The following PCDHGA7 variants were observed in gnomAD, a reference collection of about 807,000 sequenced individuals.
PCDHGA7 encodes protocadherin gamma-A7.
A neutral mutation model predicts 58.3 loss-of-function variants in PCDHGA7; 44 were observed. The observed-to-expected ratio is 0.75, with a 90% CI of 0.59 to 0.97. PCDHGA7 has a LOEUF of 0.97. Ranked by LOEUF, PCDHGA7 falls within the 50% of genes least tolerant of loss-of-function variation. PCDHGA7 has a pLI of 0.00. For synonymous variants in PCDHGA7, 516 were observed against 504.2 expected (o/e 1.02, Z -0.31); for missense variants, 1,266 against 1,188.7 (o/e 1.06, Z -0.96).
At chr5:141,424,784 C>T (rs1351935601) in intron 1 of PCDHGA7, 2 of 152,062 alleles carry the variant, frequency 1.3e-5, no homozygotes, top group Non-Finnish European at 2.9e-5. Context: ...ACATTCAGTT[C>T]TTTTATTCAG....
intron 1 of PCDHGA7, chr5:141,424,513 T>C (rs1339689551): frequency 6.6e-6 from 1 of 152,224 alleles, no homozygotes; most frequent in Non-Finnish European, 1.5e-5. Context: ...GGTTTTTTAA[T>C]GTAGTAAATC....
rs1562144438 is a variant in PCDHGA7, at chr5:141,491,135, G to A, written c.2425-3672G>A. On this transcript the variant is annotated intron_variant, in intron 1 of 3. Transcript: ENST00000518325. The surrounding 1 kb of genome is among the most constrained non-coding windows in gnomAD (Gnocchi z 6.9). Reference sequence around the variant, plus strand: ...CACACTGGTGAGGTGCGCACAGCCCGGGCCTTACTGGAGGATGACTCTGAC... The same window carrying A: ...CACACTGGTGAGGTGCGCACAGCCCAGGCCTTACTGGAGGATGACTCTGAC... 4 of 1,614,104 alleles carry A rather than the reference G, an allele frequency of 2.5e-6. No homozygotes were observed. The highest frequency in any genetic ancestry group is 1.3e-5 in the African/African-American group (1 of 75,034).
At chr5:141,404,080 C>T (rs369802030) in intron 1 of PCDHGA7, 6 of 1,613,516 alleles carry the variant, frequency 3.7e-6, no homozygotes, top group Non-Finnish European at 4.2e-6. Context: ...ACCGAGACTC[C>T]GGGAAGAATG....
intron 1 of PCDHGA7, chr5:141,389,762 A>C (rs778570717): frequency 1.2e-6 from 2 of 1,612,968 alleles, no homozygotes; most frequent in Non-Finnish European, 1.7e-6. Flanking sequence ...AAGTGCGCAC[A>C]GCGCGTGCCT....
chr5:141,409,483 G>A, intron 1 of PCDHGA7: 1 of 1,613,944 alleles, frequency 6.2e-7, no homozygotes, highest in Non-Finnish European at 8.5e-7. Context: ...CCACTGACAG[G>A]GGCAAGCCGC....
Position 141,474,743 on chromosome 5 carries a change from T to A in PCDHGA7, c.2425-20064T>A, listed in dbSNP as rs113053006. Among the ~76,000 whole-genome samples the A allele has an allele frequency of 4.0e-3, 610 of 152,354 alleles. 8 individuals carry two copies. The highest frequency in any genetic ancestry group is 0.014 in the African/African-American group (593 of 41,580). On this transcript the variant is annotated intron_variant, in intron 1 of 3. Transcript: ENST00000518325. ...AGGACTCTATGCAATCAAAGTGATG[T>A]CCAAGACAAATATACAGAAATAGTA...
At chr5:141,389,122 A>G (rs2091613113) in intron 1 of PCDHGA7, 1 of 1,613,914 alleles carries the variant, frequency 6.2e-7, no homozygotes, top group Admixed American at 1.7e-5. Context: ...CGCGAGCAGA[A>G]TCCAGAGTAC....
At chr5:141,433,308 C>A in intron 1 of PCDHGA7, 2 of 915,352 alleles carry the variant, frequency 2.2e-6, no homozygotes, top group Non-Finnish European at 1.6e-6. Context: ...ATTATCCCAC[C>A]TTTGCCTCCG....
At position 141,476,761 on chromosome 5, in the gene PCDHGA7, G is replaced by C. The variant is rs1293828206; in HGVS notation, c.2425-18046G>C. ...AGCCTAGTCTCCAGTTAGTGCTGAC[G>C]GCGTTGGACGGAGGGACCCCAGCTC... On this transcript the variant is annotated intron_variant, in intron 1 of 3. Transcript: ENST00000518325. This position sits in a 1 kb window ranked among gnomAD's most constrained non-coding sequence, Gnocchi z 7.6. 6.2e-7 allele frequency: 1 copy of C among 1,613,734 alleles called. No individual in the cohort carries two copies. Among genetic ancestry groups the C allele is most frequent in the East Asian group, 2.2e-5 (1 of 44,884 alleles).
chr5:141,417,893 G>T (rs766340497), intron 1 of PCDHGA7: 2 of 1,572,670 alleles, frequency 1.3e-6, no homozygotes, highest in Admixed American at 1.9e-5. Flanking sequence ...GCGCCGGGCC[G>T]GCCCGCGGCA....
At chr5:141,408,301 C>G in intron 1 of PCDHGA7, 1 of 1,613,756 alleles carries the variant, frequency 6.2e-7, no homozygotes, top group Non-Finnish European at 8.5e-7. Context: ...GTGAGCCGAT[C>G]CGCTACTCGA....
chr5:141,391,648 C>T (rs760508987), intron 1 of PCDHGA7: 4 of 152,210 alleles, frequency 2.6e-5, no homozygotes, highest in Non-Finnish European at 5.9e-5. Context: ...AAAAAACTAT[C>T]ATACCAGTCT....
intron 1 of PCDHGA7, chr5:141,389,046 G>A: frequency 1.9e-6 from 3 of 1,613,888 alleles, no homozygotes; most frequent in African/African-American, 1.3e-5. Context: ...GGAAGGTGAT[G>A]TTCCATTTAA....
At chr5:141,414,394 A>G in intron 1 of PCDHGA7, 1 of 1,613,930 alleles carries the variant, frequency 6.2e-7, no homozygotes, top group Non-Finnish European at 8.5e-7. Flanking sequence ...CAGTTATTAC[A>G]GATTGGTGAT....
intron 1 of PCDHGA7, chr5:141,400,589 A>G (rs771561940): frequency 4.4e-6 from 7 of 1,605,662 alleles, no homozygotes; most frequent in South Asian, 2.2e-5. Flanking sequence ...ACATGAAACT[A>G]TCGTACATTT....
At position 141,487,710 on chromosome 5, in the gene PCDHGA7, G is replaced by A. The variant is rs199722860; in HGVS notation, c.2425-7097G>A. ...CTAGAGAGTACTGGCCTCTCAGTAA[G>A]TGCCCATAGTGATGTCACCATTTTT... On this transcript the variant is annotated intron_variant, in intron 1 of 3. Transcript: ENST00000518325. The surrounding 1 kb of genome is among the most constrained non-coding windows in gnomAD (Gnocchi z 5.0). 3.8e-4 allele frequency: 596 copies of A among 1,586,168 alleles called. No individual in the cohort carries two copies. The highest frequency in any genetic ancestry group is 4.5e-4 in the Non-Finnish European group (529 of 1,164,386).
In PCDHGA7 at chr5:141,490,729, C is replaced by G. The variant is rs1365931429; in HGVS notation, c.2425-4078C>G. ...CCTCACCTACTCCATTGTAGGAAAT[C>G]AGGTTCAGGGAGCCCCAGCCTCCTC... On this transcript the variant is annotated intron_variant, in intron 1 of 3. Coordinates refer to ENST00000518325, the MANE Select transcript of PCDHGA7 (RefSeq NM_018920.4). The surrounding 1 kb of genome is among the most constrained non-coding windows in gnomAD (Gnocchi z 5.4). 1 of 1,614,184 alleles carries G rather than the reference C, an allele frequency of 6.2e-7. No homozygotes were observed.
intron 1 of PCDHGA7, among the ~76,000 whole-genome samples, chr5:141,465,407 A>G (rs1019401245): frequency 6.6e-6 from 1 of 152,218 alleles, no homozygotes; most frequent in African/African-American, 2.4e-5. Flanking sequence ...AGAAGAAGCC[A>G]AATCAGCACT....
intron 1 of PCDHGA7, among the ~76,000 whole-genome samples, chr5:141,444,006 G>T (rs1279816416): frequency 2.0e-5 from 3 of 152,012 alleles, no homozygotes; most frequent in Non-Finnish European, 4.4e-5. Flanking sequence ...TGCTACCTGG[G>T]TATTGGCTTC....
Sources: gnomAD v4.1 joint callset for allele counts (sites outside exome capture counted in the v4.1 genomes callset) on GRCh38, gnomAD v4.1.1 for gene constraint, Gnocchi (gnomAD v3.1) non-coding constraint, MANE v1.5 for transcripts, NCBI Gene and HGNC (gene_info 2026-07-23, HGNC 2026-07-21) for gene names.